The following PLCD3 variants were observed in gnomAD, a reference collection of about 807,000 sequenced individuals.
The protein encoded by PLCD3 is phospholipase C delta 3, also known as 1-phosphatidylinositol 4,5-bisphosphate phosphodiesterase delta-3.
PLCD3 carries 62 observed loss-of-function variants against 82.8 expected under a neutral mutation model. The observed-to-expected ratio is 0.75, with a 90% confidence interval of 0.61 to 0.93. The LOEUF (loss-of-function observed/expected upper bound fraction) is 0.93, where lower values mean the gene tolerates loss of function less well. Ranked by LOEUF, PLCD3 falls within the 40% of genes least tolerant of loss-of-function variation. PLCD3 has a pLI of 0.00. For missense variants in PLCD3, 1,023 were observed against 1,103.4 expected, an observed-to-expected ratio of 0.93 and a Z score of 1.03; for synonymous variants, 478 against 471.8, an observed-to-expected ratio of 1.01 and a Z score of -0.17.
In PLCD3 at chr17:45,121,210, C is replaced by G; in HGVS notation, c.325+1G>C. 1 of 1,580,552 alleles carries G rather than the reference C, an allele frequency of 6.3e-7. No individual in the cohort carries two copies. The highest frequency in any genetic ancestry group is 8.5e-7 in the Non-Finnish European group (1 of 1,172,028). On this transcript the variant is annotated splice_donor_variant, in intron 2 of 14. Transcript: ENST00000619929. LOFTEE classifies it high-confidence loss of function. Reference sequence around the variant, plus strand: ...CCGCCCGGCGCTCCCCGGCCTCTCACAGATGTGCTGCGATGGCGCACGCGG... The same window carrying G: ...CCGCCCGGCGCTCCCCGGCCTCTCAGAGATGTGCTGCGATGGCGCACGCGG...
intron 4 of PLCD3, 63 bp downstream of exon 4, chr17:45,120,262 G>C: frequency 6.2e-7 from 1 of 1,604,064 alleles, no homozygotes; most frequent in South Asian, 1.1e-5. Flanking sequence ...TCAGATGGCT[G>C]GGGGCAGGCA....
intron 1 of PLCD3, among the ~76,000 whole-genome samples, chr17:45,123,860 G>A (rs79355162): frequency 0.025 from 3,817 of 152,002 alleles, 91 homozygotes; most frequent in South Asian, 0.049. Flanking sequence ...ATGCCCACTC[G>A]GTACCCCCTG....
intron 1 of PLCD3, among the ~76,000 whole-genome samples, chr17:45,121,935 C>T (rs185230437): frequency 3.4e-5 from 5 of 147,546 alleles, no homozygotes; most frequent in South Asian, 4.3e-4. Flanking sequence ...GCAGCCTAAG[C>T]GACAGAGTGA....
chr17:45,120,544 G>A (rs1567881112), intron 3 of PLCD3, 90 bp from the exon 4 acceptor site: 2 of 1,561,836 alleles, frequency 1.3e-6, no homozygotes, highest in Non-Finnish European at 1.7e-6. Flanking sequence ...CTGGGTCTGG[G>A]GGATCCCCAG....
chr17:45,132,185 G>C lies in PLCD3; in HGVS notation c.163+63C>G, dbSNP rs2054467263. ...GAATCCACGAACTGCTCCCTGGAGC[G>C]CCCCAGACTGGGCCTCTGGGAACGG... On this transcript the variant is annotated intron_variant, in intron 1 of 14. Transcript: ENST00000619929. The surrounding 1 kb of genome is among the most constrained non-coding windows in gnomAD (Gnocchi z 4.6). 4 of 1,228,350 alleles carry C rather than the reference G, an allele frequency of 3.3e-6. No homozygotes were observed. Among genetic ancestry groups the C allele is most frequent in the Non-Finnish European group, 4.1e-6 (4 of 983,074 alleles). The allele number at this position is 1,228,350 out of a possible 1,614,324, so 76.1% of individuals were successfully genotyped here. A position where few individuals can be genotyped will look rare whatever the true frequency, so the allele number is the denominator to read the frequency against.
intron 11 of PLCD3, 48 bp from the exon 12 acceptor site, chr17:45,113,653 T>C: frequency 6.5e-7 from 1 of 1,540,864 alleles, no homozygotes; most frequent in South Asian, 1.2e-5. Flanking sequence ...GGCCCTGTTC[T>C]CACTACTCAG....
At chr17:45,125,947 A>T (rs2054378183) in intron 1 of PLCD3, among the ~76,000 whole-genome samples, 1 of 152,262 alleles carries the variant, frequency 6.6e-6, no homozygotes, top group Admixed American at 6.5e-5. Context: ...AATAGGCAAC[A>T]GTAATAGTTG....
intron 1 of PLCD3, among the ~76,000 whole-genome samples, chr17:45,123,583 T>G (rs915890743): frequency 5.3e-5 from 8 of 152,116 alleles, no homozygotes; most frequent in African/African-American, 1.9e-4. Context: ...GCCTCGCAGG[T>G]CAGGGTTTCT....
Position 45,112,539 on chromosome 17 carries a change from G to A in PLCD3, c.*77C>T, listed in dbSNP as rs1308941429. 2.7e-5 allele frequency: 39 copies of A among 1,434,850 alleles called. No individual in the cohort carries two copies. Among genetic ancestry groups the A allele is most frequent in the Non-Finnish European group, 3.7e-5 (39 of 1,043,908 alleles). 88.9% of individuals were successfully genotyped at this position (1,434,850 alleles called of 1,614,324 possible). On this transcript the variant is annotated 3_prime_UTR_variant, in exon 15 of 15. Coordinates refer to ENST00000619929, the MANE Select transcript of PLCD3 (RefSeq NM_133373.5). ...TGGGGGGCTGGTACTCCCACCACCTGACTCCAGAGGAGGAGAGGGCTCTGC... is the reference window on the plus strand; with the variant it reads ...TGGGGGGCTGGTACTCCCACCACCTAACTCCAGAGGAGGAGAGGGCTCTGC...
In PLCD3 at chr17:45,113,535, C is replaced by T. The variant is rs1471487747; in HGVS notation, c.1899G>A (p.Gln633=). 1.9e-6 allele frequency: 3 copies of T among 1,570,324 alleles called. No individual in the cohort carries two copies. Among genetic ancestry groups the T allele is most frequent in the Non-Finnish European group, 2.6e-6 (3 of 1,158,074 alleles). Residue 633 remains glutamine (Q), a synonymous_variant, in exon 12 of 15, where the codon CAG becomes CAA. Coordinates refer to ENST00000619929, the MANE Select transcript of PLCD3 (RefSeq NM_133373.5). ...AGGCAGGTTTTAGGACGTAGCCACA[C>T]TGCCCATTGACTAGGAAGCGCCCGG... ...LNAGRFLVNG[Q]CGYVLKPACL...
At chr17:45,113,075 G>T (rs568133489) in intron 13 of PLCD3, 47 bp downstream of exon 13, 14 of 1,609,878 alleles carry the variant, frequency 8.7e-6, no homozygotes, top group East Asian at 2.2e-5. Context: ...ACCACCCTTC[G>T]CTCTCTGCAG....
In PLCD3 at chr17:45,118,015, G is replaced by A. The variant is rs561477946; in HGVS notation, c.1239C>T (p.Ala413=). 13 of 1,613,576 alleles carry A rather than the reference G, an allele frequency of 8.1e-6. No individual in the cohort carries two copies. Among genetic ancestry groups the A allele is most frequent in the East Asian group, 2.2e-5 (1 of 44,870 alleles). ...TCACCGTGAAGGCATGGTCGCGCAC[G>A]GCTTGGACCACGTCCCGGAAGAGAA... ...SKILFRDVVQ[A]VRDHAFTLSP... is the part of the protein sequence containing the mutation. The change falls in exon 7 of 15, where the codon GCC becomes GCT. Residue 413 remains alanine (A), a synonymous_variant. Transcript: ENST00000619929. The surrounding 1 kb of genome is among the most constrained non-coding windows in gnomAD (Gnocchi z 4.1).
chr17:45,122,266 G>A (rs2054347576), intron 1 of PLCD3, among the ~76,000 whole-genome samples: 2 of 151,160 alleles, frequency 1.3e-5, no homozygotes, highest in South Asian at 2.1e-4. Context: ...ACTTGAATCC[G>A]GGAGGCGGAG....
At position 45,121,288 on chromosome 17, in the gene PLCD3, C is replaced by A; in HGVS notation, c.248G>T (p.Arg83Leu). ...KIRSRTWHKE[R>L]LYRLQEDGLS... ...GCCGTCCTCCTGCAGCCGGTACAGCCGCTCCTTGTGCCACGTGCGCGAGCG... is the reference window on the plus strand; with the variant it reads ...GCCGTCCTCCTGCAGCCGGTACAGCAGCTCCTTGTGCCACGTGCGCGAGCG... Residue 83 changes from arginine (R) to leucine (L), a missense_variant, in exon 2 of 15, where the codon CGG (arginine) becomes CTG (leucine). Physicochemically the swap from Arg to Leu is moderately radical, Grantham distance 102 (BLOSUM62 -2). Around this residue, in one of 3 missense-constraint regions of PLCD3, gnomAD observed 448 missense variants for 406.3 expected, o/e 1.10. Coordinates refer to ENST00000619929, the MANE Select transcript of PLCD3 (RefSeq NM_133373.5). 1.3e-6 allele frequency: 2 copies of A among 1,585,250 alleles called. No homozygotes were observed. Among genetic ancestry groups the A allele is most frequent in the Non-Finnish European group, 1.7e-6 (2 of 1,174,162 alleles).
intron 4 of PLCD3, 151 bp downstream of exon 4, chr17:45,120,174 C>T: frequency 1.8e-6 from 2 of 1,100,796 alleles, no homozygotes; most frequent in Non-Finnish European, 2.6e-6. Context: ...CTAACTAACC[C>T]CAGATGTTGC....
intron 9 of PLCD3, 28 bp downstream of exon 9, chr17:45,115,316 T>TA: frequency 6.8e-7 from 1 of 1,474,946 alleles, no homozygotes; most frequent in Non-Finnish European, 9.1e-7. Flanking sequence ...TTCCCCCCCT[T>TA]CCCCACCCCA....
intron 1 of PLCD3, among the ~76,000 whole-genome samples, chr17:45,125,601 A>C (rs1448685147): frequency 1.3e-5 from 2 of 152,270 alleles, no homozygotes; most frequent in African/African-American, 4.8e-5. Flanking sequence ...GTCTCAAAAA[A>C]CAAAACAAAA....
chr17:45,118,763 TG>T lies in PLCD3; in HGVS notation c.913+51del. On this transcript the variant is annotated intron_variant, in intron 5 of 14. Coordinates refer to ENST00000619929, the MANE Select transcript of PLCD3 (RefSeq NM_133373.5). The surrounding 1 kb of genome is among the most constrained non-coding windows in gnomAD (Gnocchi z 4.1). ...CAGCCCGCAGCAGAACCCGCTTAGC[TG>T]GGAACACAGCCCTTTCAGGTGCCAC... is the stretch of plus-strand genomic sequence containing the variant. 1 of 1,549,982 alleles carries T rather than the reference TG, an allele frequency of 6.5e-7. No individual in the cohort carries two copies. Among genetic ancestry groups the T allele is most frequent in the Non-Finnish European group, 8.7e-7 (1 of 1,145,042 alleles).
chr17:45,129,210 T>G (rs1175404829), intron 1 of PLCD3: 4 of 152,368 alleles, frequency 2.6e-5, no homozygotes, highest in Non-Finnish European at 4.4e-5. Context: ...TCCCAGCACT[T>G]TGGGAATCCA....
Sources: gnomAD v4.1 joint callset for allele counts (sites outside exome capture counted in the v4.1 genomes callset) on GRCh38, gnomAD v4.1.1 for gene constraint, gnomAD v4.1.1 regional missense constraint, Gnocchi (gnomAD v3.1) non-coding constraint, MANE v1.5 for transcripts, NCBI Gene and HGNC (gene_info 2026-07-23, HGNC 2026-07-21) for gene names.